The following GINS2 variants were observed in gnomAD, a reference collection of about 807,000 sequenced individuals.
GINS2 encodes the protein DNA replication complex GINS protein PSF2.
Under a neutral mutation model 21.2 loss-of-function variants are expected in GINS2, and 23 were observed. The observed-to-expected ratio is 1.08, with a 90% CI of 0.78 to 1.53. GINS2 has a LOEUF of 1.53. GINS2 is among the 40% of genes most tolerant of loss of function. GINS2 has a pLI of 0.00. For synonymous variants in GINS2, 118 were observed against 85.6 expected (o/e 1.38, Z -2.09); for missense variants, 323 against 233.9 (o/e 1.38, Z -2.49).
chr16:85,685,682 A>C (rs979952567), intron 2 of GINS2, among the ~76,000 whole-genome samples: 1 of 144,544 alleles, frequency 6.9e-6, no homozygotes, highest in African/African-American at 2.8e-5. Flanking sequence ...AAAAAAAAAA[A>C]AAAAAAAAAC....
In GINS2 at chr16:85,681,574, C is replaced by G. The variant is rs2053733394; in HGVS notation, c.305+8G>C. 6.5e-7 allele frequency: 1 copy of G among 1,528,016 alleles called. No individual in the cohort carries two copies. The highest frequency in any genetic ancestry group is 1.1e-5 in the South Asian group (1 of 89,174). The allele number at this position is 1,528,016 out of a possible 1,614,324, so 94.7% of individuals were successfully genotyped here. A position where few individuals can be genotyped will look rare whatever the true frequency, so the allele number is the denominator to read the frequency against. ...GGGTGTGGCCTCTAAGAGGTGAGAT[C>G]TACTTACTGATTTAACAGGAGCTTC... On this transcript the variant is annotated splice_region_variant and intron_variant, in intron 3 of 4. Transcript: ENST00000253462.
At position 85,677,130 on chromosome 16, in the gene GINS2, C is replaced by A. The variant is rs901821771; in HGVS notation, c.*1082G>T. ...TTGTGATCCACCTGCCTTGGCCTCCCAAAGTGCTGGGATTACATGCATGAG... is the reference window on the plus strand; with the variant it reads ...TTGTGATCCACCTGCCTTGGCCTCCAAAAGTGCTGGGATTACATGCATGAG... On this transcript the variant is annotated 3_prime_UTR_variant, in exon 5 of 5. Coordinates refer to ENST00000253462, the MANE Select transcript of GINS2 (RefSeq NM_016095.3). The A allele has an allele frequency of 6.6e-6, 1 of 152,072 alleles. No homozygotes were observed. The allele number at this position is 152,072 out of a possible 1,614,324, so 9.4% of individuals were successfully genotyped here. A position where few individuals can be genotyped will look rare whatever the true frequency, so the allele number is the denominator to read the frequency against.
rs554564786 is a variant in GINS2, at chr16:85,677,322, G to A, written c.*890C>T. The A allele has an allele frequency of 5.7e-4, 87 of 152,202 alleles. 1 individual carries two copies. Among genetic ancestry groups the A allele is most frequent in the African/African-American group, 1.9e-3 (78 of 41,528 alleles). The allele number at this position is 152,202 out of a possible 1,614,324, so 9.4% of individuals were successfully genotyped here. ...CTACGAATAAAGTAATTTTCTCTTA[G>A]GAAAAAAATAATTTCCCCTGAGCCC... On this transcript the variant is annotated 3_prime_UTR_variant, in exon 5 of 5. Coordinates refer to ENST00000253462, the MANE Select transcript of GINS2 (RefSeq NM_016095.3).
chr16:85,678,201 C>CA lies in GINS2; in HGVS notation c.*10dup, dbSNP rs969784762. On this transcript the variant is annotated 3_prime_UTR_variant, in exon 5 of 5. Transcript: ENST00000253462. ...ACATCCCCCAGCAAGCCGCCTGCAC[C>CA]AGGCCTTTCTCTAGAAGTCCTGAGA... 6.2e-7 allele frequency: 1 copy of CA among 1,612,300 alleles called. No homozygotes were observed. Among genetic ancestry groups the CA allele is most frequent in the Admixed American group, 1.7e-5 (1 of 59,902 alleles).
intron 3 of GINS2, among the ~76,000 whole-genome samples, chr16:85,681,245 CTG>C (rs947288279): frequency 6.6e-6 from 1 of 152,240 alleles, no homozygotes; most frequent in Non-Finnish European, 1.5e-5. Flanking sequence ...ACTGCCGATT[CTG>C]TGAGATGCTG....
chr16:85,679,685 A>C (rs538973807), intron 3 of GINS2, among the ~76,000 whole-genome samples: 6 of 152,246 alleles, frequency 3.9e-5, no homozygotes, highest in Admixed American at 6.5e-5. Context: ...TAAAAACTAC[A>C]TCCATAATAT....
intron 3 of GINS2, among the ~76,000 whole-genome samples, chr16:85,680,217 T>G (rs551522077): frequency 3.3e-5 from 5 of 152,324 alleles, no homozygotes; most frequent in Admixed American, 3.3e-4. Flanking sequence ...GCATTGCTGC[T>G]TCTCAGCTTT....
In GINS2 at chr16:85,687,857, C is replaced by A. The variant is rs985851362; in HGVS notation, c.91-283G>T. 2.8e-4 allele frequency: 77 copies of A among 277,542 alleles called. 1 individual carries two copies. Among genetic ancestry groups the A allele is most frequent in the Non-Finnish European group, 1.2e-4 (18 of 148,736 alleles). The allele number at this position is 277,542 out of a possible 1,614,324, so 17.2% of individuals were successfully genotyped here. On this transcript the variant is annotated intron_variant, in intron 1 of 4. Transcript: ENST00000253462. The stretch of plus-strand genomic sequence containing the variant: ...CCTCTCCCGCCTGCACCCTCCAACT[C>A]CGGAACAGGTTTCACACACCCAATG...
Position 85,682,021 on chromosome 16 carries a change from C to CTTTTTTT in GINS2, c.206-347_206-341dup, listed in dbSNP as rs56847154. ...CAGCAAAGTGATTTACCTTTACCGC[C>CTTTTTTT]TTTTTTTTTTTTTTTTTTTTTTTTT... On this transcript the variant is annotated intron_variant, in intron 2 of 4. Transcript: ENST00000253462. Among the ~76,000 whole-genome samples, 89 of 73,370 alleles carry CTTTTTTT rather than the reference C, an allele frequency of 1.2e-3. 7 individuals are homozygous for CTTTTTTT. Among genetic ancestry groups the CTTTTTTT allele is most frequent in the African/African-American group, 4.8e-3 (83 of 17,120 alleles). The allele number at this position is 73,370 out of a possible 152,430, so 48.1% of individuals were successfully genotyped here.
rs532626147 is a variant in GINS2, at chr16:85,687,267, T to A, written c.205+193A>T. Among the ~76,000 whole-genome samples, 242 of 152,346 alleles carry A rather than the reference T, an allele frequency of 1.6e-3. 1 individual carries two copies. The Middle Eastern group carries it at 0.034, about 22-fold the overall frequency. On this transcript the variant is annotated intron_variant, in intron 2 of 4. Coordinates refer to ENST00000253462, the MANE Select transcript of GINS2 (RefSeq NM_016095.3). ...CACACACCAAAACCTAACATGACATTACTAACAGTGGTTAGCAGACTCTGC... is the reference window on the plus strand; with the variant it reads ...CACACACCAAAACCTAACATGACATAACTAACAGTGGTTAGCAGACTCTGC...
chr16:85,688,605 G>A (rs2053800460), intron 1 of GINS2, among the ~76,000 whole-genome samples: 1 of 152,206 alleles, frequency 6.6e-6, no homozygotes, highest in Non-Finnish European at 1.5e-5. Flanking sequence ...CTGTAAACCC[G>A]GGCGTTCGGG....
In GINS2 at chr16:85,677,861, C is replaced by T; in HGVS notation, c.*351G>A. The T allele has an allele frequency of 4.8e-6, 1 of 209,528 alleles. No homozygotes were observed. Among genetic ancestry groups the T allele is most frequent in the Non-Finnish European group, 9.7e-6 (1 of 103,322 alleles). 13.0% of individuals were successfully genotyped at this position (209,528 alleles called of 1,614,324 possible). A position where few individuals can be genotyped will look rare whatever the true frequency, so the allele number is the denominator to read the frequency against. On this transcript the variant is annotated 3_prime_UTR_variant, in exon 5 of 5. Coordinates refer to ENST00000253462, the MANE Select transcript of GINS2 (RefSeq NM_016095.3). ...CACATGGCCACTCCTGCTGTATCTA[C>T]ACCTACCAGTCACTGAACACCTGCC...
At position 85,685,685 on chromosome 16, in the gene GINS2, A is replaced by AAAAAAAAAAAAAAAAAAAAAAAAAC. The variant is rs56405044; in HGVS notation, c.205+1774_205+1775insGTTTTTTTTTTTTTTTTTTTTTTTT. The stretch of plus-strand genomic sequence containing the variant: ...GACCCTTTCTCAAAAAAAAAAAAAA[A>AAAAAAAAAAAAAAAAAAAAAAAAAC]AAAAAACCGTCTCAAAGCAGAGGAA... On this transcript the variant is annotated intron_variant, in intron 2 of 4. Transcript: ENST00000253462. 3.6e-3 allele frequency among the ~76,000 whole-genome samples: 440 copies of AAAAAAAAAAAAAAAAAAAAAAAAAC among 120,882 alleles called. 40 individuals are homozygous for AAAAAAAAAAAAAAAAAAAAAAAAAC. Among genetic ancestry groups the AAAAAAAAAAAAAAAAAAAAAAAAAC allele is most frequent in the Non-Finnish European group, 6.6e-3 (342 of 51,802 alleles). 79.3% of individuals were successfully genotyped at this position (120,882 alleles called of 152,430 possible).
chr16:85,685,064 C>T (rs910314962), intron 2 of GINS2, among the ~76,000 whole-genome samples: 2 of 152,092 alleles, frequency 1.3e-5, no homozygotes, highest in Non-Finnish European at 2.9e-5. Context: ...GCTGGGATTA[C>T]AGGCATGAGC....
At chr16:85,688,112 A>G (rs1371509079) in intron 1 of GINS2, 1 of 152,398 alleles carries the variant, frequency 6.6e-6, no homozygotes, top group East Asian at 1.9e-4. Flanking sequence ...CGCCCGGGCG[A>G]TAGAGCGAAA....
intron 3 of GINS2, among the ~76,000 whole-genome samples, chr16:85,680,599 G>C (rs530699783): frequency 3.3e-5 from 5 of 151,988 alleles, no homozygotes; most frequent in Non-Finnish European, 7.4e-5. Flanking sequence ...CATTTAGAAT[G>C]GGTACATGTG....
At chr16:85,680,886 C>T (rs2053726593) in intron 3 of GINS2, among the ~76,000 whole-genome samples, 1 of 152,186 alleles carries the variant, frequency 6.6e-6, no homozygotes, top group South Asian at 2.1e-4. Context: ...GGAGCACGCA[C>T]TAGGCTGTAC....
chr16:85,679,401 G>A (rs1451954003), intron 3 of GINS2, among the ~76,000 whole-genome samples: 5 of 152,218 alleles, frequency 3.3e-5, no homozygotes, highest in Non-Finnish European at 7.3e-5. Context: ...AAAACTACAC[G>A]ATAAAAGCAG....
At chr16:85,685,660 G>C (rs1000378640) in intron 2 of GINS2, among the ~76,000 whole-genome samples, 5 of 52,442 alleles carry the variant, frequency 9.5e-5, no homozygotes, top group Non-Finnish European at 1.1e-4. Flanking sequence ...GACAGAGCAA[G>C]ACCCTTTCTC....
Sources: allele counts gnomAD v4.1 joint callset (sites outside exome capture counted in the v4.1 genomes callset), GRCh38; gene constraint gnomAD v4.1.1; transcripts MANE v1.5; gene names NCBI Gene and HGNC (gene_info 2026-07-23, HGNC 2026-07-21).